The following IRX4 variants were observed in gnomAD, a reference collection of about 807,000 sequenced individuals.
IRX4 encodes the protein iroquois-class homeodomain protein IRX-4.
Under a neutral mutation model 32.0 loss-of-function variants are expected in IRX4, and 22 were observed. That is an observed-to-expected ratio of 0.69 (90% CI 0.49 to 0.98). IRX4 has a LOEUF of 0.98. Ranked by LOEUF, IRX4 falls within the 50% of genes least tolerant of loss-of-function variation. IRX4 has a pLI of 0.00. For missense variants in IRX4, 840 were observed against 744.2 expected (o/e 1.13, Z -1.50); for synonymous variants, 379 against 351.7 (o/e 1.08, Z -0.87).
In IRX4 at chr5:1,877,782, G is replaced by A; in HGVS notation, c.*187C>T. ...GCCCGGTCAGGCTCAGGCCCAGGCG[G>A]TGGAGGCCCCGGCGTGGCAGCGCCG... On this transcript the variant is annotated 3_prime_UTR_variant, in exon 5 of 5. Transcript: ENST00000231357. The A allele has an allele frequency of 1.7e-6, 1 of 595,948 alleles. No homozygotes were observed. Among genetic ancestry groups the A allele is most frequent in the Non-Finnish European group, 2.8e-6 (1 of 356,448 alleles). The allele number at this position is 595,948 out of a possible 1,614,324, so 36.9% of individuals were successfully genotyped here.
chr5:1,881,822 C>T lies in IRX4; in HGVS notation c.283G>A (p.Ala95Thr), dbSNP rs1375777719. Residue 95 changes from alanine (A) to threonine (T), a missense_variant, in exon 2 of 5, where the codon GCC (alanine) becomes ACC (threonine). By Grantham distance (58) the Ala-to-Thr change is moderately conservative. This residue lies in a region of IRX4 where 241 missense variants were observed against 220.8 expected (regional missense o/e 1.09). Transcript: ENST00000231357. ...GCCCCACTTACCAGCGAGTAGAAGG[C>T]GGACGCCTCCGAGCCGTAGGTCACG... is the stretch of plus-strand genomic sequence containing the variant. ...NYVTYGSEAS[A>T]FYSLNSFDSK... The T allele has an allele frequency of 1.3e-6, 2 of 1,563,966 alleles. No individual in the cohort carries two copies. The highest frequency in any genetic ancestry group is 1.7e-6 in the Non-Finnish European group (2 of 1,155,324).
chr5:1,880,767 T>C lies in IRX4; in HGVS notation c.365A>G (p.Tyr122Cys), dbSNP rs199581237. Reference protein sequence around the residue: ...HGGLAPAAAAYYPYEPALGQY... With the variant: ...HGGLAPAAAACYPYEPALGQY... ...GCCCAGAGCTGGCTCGTAAGGGTAG[T>C]AGGCGGCAGCGGCTGGTGCCAGGCC... The change falls in exon 3 of 5, where the codon TAC becomes TGC. Residue 122 changes from tyrosine (Y) to cysteine (C), a missense_variant. Coordinates refer to ENST00000231357, the MANE Select transcript of IRX4 (RefSeq NM_016358.3). 6.8e-6 allele frequency: 11 copies of C among 1,613,712 alleles called. No individual in the cohort carries two copies. Among genetic ancestry groups the C allele is most frequent in the East Asian group, 2.2e-5 (1 of 44,838 alleles).
upstream of IRX4, among the ~76,000 whole-genome samples, chr5:1,885,823 TC>T (rs1735611416): frequency 6.6e-6 from 1 of 152,250 alleles, no homozygotes; most frequent in Non-Finnish European, 1.5e-5. Context: ...GCACCCAGTG[TC>T]CCTTTCACCA....
rs774523402 is a variant in IRX4 at position 1,879,619 on chromosome 5, C to A, written c.621G>T (p.Thr207=). The A allele has an allele frequency of 6.2e-7, 1 of 1,614,070 alleles. No individual in the cohort carries two copies. The highest frequency in any genetic ancestry group is 8.5e-7 in the Non-Finnish European group (1 of 1,180,042). The change falls in exon 4 of 5, where the codon ACG becomes ACT. Residue 207 remains threonine, a synonymous_variant. Transcript: ENST00000231357. ...CTGCGCACTTGTTCCGCGGCGGCCACGTCATCTTGTTCTCCTTCTTGAGGC... is the reference window on the plus strand; with the variant it reads ...CTGCGCACTTGTTCCGCGGCGGCCAAGTCATCTTGTTCTCCTTCTTGAGGC... ...RRRLKKENKM[T]WPPRNKCADE...
Position 1,878,532 on chromosome 5 carries a change from C to G in IRX4, c.997G>C (p.Gly333Arg), listed in dbSNP as rs989702737. 3 of 1,447,180 alleles carry G rather than the reference C, an allele frequency of 2.1e-6. No individual in the cohort carries two copies. The highest frequency in any genetic ancestry group is 2.7e-6 in the Non-Finnish European group (3 of 1,107,128). The allele number at this position is 1,447,180 out of a possible 1,614,324, so 89.6% of individuals were successfully genotyped here. Reference sequence around the variant, plus strand: ...TCTGCGCCCGGCAGTGGCTCCGGCCCGGCCGCCGCGCTGCGGAGACAGCTC... The same window carrying G: ...TCTGCGCCCGGCAGTGGCTCCGGCCGGGCCGCCGCGCTGCGGAGACAGCTC... The part of the protein sequence containing the change: ...ARSCLRSAAA[G>R]PEPLPGAEGG... Residue 333 changes from glycine to arginine, a missense_variant, in exon 5 of 5, where the codon GGG becomes CGG. By Grantham distance (125) the Gly-to-Arg change is moderately radical. Coordinates refer to ENST00000231357, the MANE Select transcript of IRX4 (RefSeq NM_016358.3).
At position 1,878,448 on chromosome 5, in the gene IRX4, C is replaced by T. The variant is rs1735291243; in HGVS notation, c.1081G>A (p.Gly361Ser). Residue 361 changes from glycine to serine, a missense_variant, in exon 5 of 5, where the codon GGC (glycine) becomes AGC (serine). Physicochemically the swap from Gly to Ser is moderately conservative, Grantham distance 56. Transcript: ENST00000231357. The part of the protein sequence containing the change: ...LGFVPAGASA[G>S]LEAKPRIWSL... Reference sequence around the variant, plus strand: ...CAGATGCGCGGCTTAGCCTCCAGGCCTGCCGACGCCCCCGCCGGCACAAAC... The same window carrying T: ...CAGATGCGCGGCTTAGCCTCCAGGCTTGCCGACGCCCCCGCCGGCACAAAC... 5 of 1,464,152 alleles carry T rather than the reference C, an allele frequency of 3.4e-6. No individual in the cohort carries two copies. The East Asian group carries it at 1.0e-4, about 30-fold the overall frequency. The allele number at this position is 1,464,152 out of a possible 1,614,324, so 90.7% of individuals were successfully genotyped here.
At position 1,877,739 on chromosome 5, in the gene IRX4, G is replaced by A. The variant is rs1050715050; in HGVS notation, c.*230C>T. ...CTGCTCCGAGAGCCTCTCCTTCCGC[G>A]TCCCAAATTTGGGAATGGCCCGGTC... On this transcript the variant is annotated 3_prime_UTR_variant, in exon 5 of 5. Coordinates refer to ENST00000231357, the MANE Select transcript of IRX4 (RefSeq NM_016358.3). The A allele has an allele frequency of 9.5e-6, 5 of 525,266 alleles. No individual in the cohort carries two copies. Among genetic ancestry groups the A allele is most frequent in the East Asian group, 3.4e-5 (1 of 29,742 alleles). 32.5% of individuals were successfully genotyped at this position (525,266 alleles called of 1,614,324 possible). A position where few individuals can be genotyped will look rare whatever the true frequency, so the allele number is the denominator to read the frequency against.
In IRX4 at chr5:1,880,140, G is replaced by A; in HGVS notation, c.408-308C>T. 2.0e-6 allele frequency: 3 copies of A among 1,535,542 alleles called. No individual in the cohort carries two copies. In the South Asian group the frequency reaches 3.6e-5, roughly 18 times the overall value. On this transcript the variant is annotated intron_variant, in intron 3 of 4. Coordinates refer to ENST00000231357, the MANE Select transcript of IRX4 (RefSeq NM_016358.3). ...TATGGGGATGACCGCCTAGCCGTTT[G>A]ATCCTCAAACCATAAAAAGGTATAG...
In IRX4 at chr5:1,878,579, T is replaced by A; in HGVS notation, c.950A>T (p.Asp317Val). The stretch of plus-strand genomic sequence containing the variant: ...GCTCCGGGCCCTCTCCAGGTCCTCG[T>A]CCAGAGCAGCTCCGCCACCCGCGGC... ...SLAAGGGAAL[D>V]EDLERARSCL... is the part of the protein sequence containing the mutation. Residue 317 changes from aspartate (D) to valine (V), a missense_variant, in exon 5 of 5, where the codon GAC (aspartate) becomes GTC (valine). Asp to Val is a radical substitution (Grantham distance 152). Around this residue, in one of 3 missense-constraint regions of IRX4, gnomAD observed 585 missense variants for 488.0 expected, o/e 1.20. Transcript: ENST00000231357. 6.5e-7 allele frequency: 1 copy of A among 1,549,456 alleles called. No individual in the cohort carries two copies. The highest frequency in any genetic ancestry group is 8.7e-7 in the Non-Finnish European group (1 of 1,147,892).
intron 2 of IRX4, among the ~76,000 whole-genome samples, chr5:1,881,601 T>G (rs1000422628): frequency 7.6e-6 from 1 of 132,304 alleles, no homozygotes. Context: ...AGAAACGCAG[T>G]GGCCACCTGC....
At position 1,879,667 on chromosome 5, in the gene IRX4, G is replaced by C; in HGVS notation, c.573C>G (p.Thr191=). ...GGCGCCGGCGCGCGTTGGCGAACCA[G>C]GTGGAGACCTGTGTGAGGGTCATCT... The part of the protein sequence containing the change: ...ITKMTLTQVS[T]WFANARRRLK... Residue 191 remains threonine (T), a synonymous_variant, in exon 4 of 5, where the codon ACC becomes ACG. Coordinates refer to ENST00000231357, the MANE Select transcript of IRX4 (RefSeq NM_016358.3). 1.2e-6 allele frequency: 2 copies of C among 1,614,220 alleles called. No individual in the cohort carries two copies. The highest frequency in any genetic ancestry group is 1.7e-6 in the Non-Finnish European group (2 of 1,180,042).
Position 1,878,448 on chromosome 5 carries a change from C to G in IRX4, c.1081G>C (p.Gly361Arg). Residue 361 changes from glycine (G) to arginine (R), a missense_variant, in exon 5 of 5, where the codon GGC (glycine) becomes CGC (arginine). Gly to Arg is a moderately radical substitution (Grantham distance 125). This residue lies in a region of IRX4 where 585 missense variants were observed against 488.0 expected (regional missense o/e 1.20). Coordinates refer to ENST00000231357, the MANE Select transcript of IRX4 (RefSeq NM_016358.3). ...LGFVPAGASA[G>R]LEAKPRIWSL... ...CAGATGCGCGGCTTAGCCTCCAGGC[C>G]TGCCGACGCCCCCGCCGGCACAAAC... 1 of 1,464,152 alleles carries G rather than the reference C, an allele frequency of 6.8e-7. No individual in the cohort carries two copies. Among genetic ancestry groups the G allele is most frequent in the Non-Finnish European group, 9.0e-7 (1 of 1,113,440 alleles). 90.7% of individuals were successfully genotyped at this position (1,464,152 alleles called of 1,614,324 possible). A position where few individuals can be genotyped will look rare whatever the true frequency, so the allele number is the denominator to read the frequency against.
At position 1,878,787 on chromosome 5, in the gene IRX4, C is replaced by T. The variant is rs753902596; in HGVS notation, c.742G>A (p.Val248Met). The T allele has an allele frequency of 2.5e-6, 4 of 1,613,148 alleles. No homozygotes were observed. The highest frequency in any genetic ancestry group is 1.7e-6 in the Non-Finnish European group (2 of 1,179,830). Residue 248 changes from valine to methionine, a missense_variant, in exon 5 of 5, where the codon GTG becomes ATG. Val to Met is a conservative substitution (Grantham distance 21, BLOSUM62 1). Coordinates refer to ENST00000231357, the MANE Select transcript of IRX4 (RefSeq NM_016358.3). ...PLKSSKNAEPVGKEEKELELS... is the reference protein window; with the variant it reads ...PLKSSKNAEPMGKEEKELELS... ...TCCAGCTCCTTCTCCTCTTTGCCCA[C>T]GGGCTCTGCGGGAGAGAATGCGTGG...
At position 1,882,655 on chromosome 5, in the gene IRX4, G is replaced by A. The variant is rs1417469883; in HGVS notation, c.-8C>T. 1.1e-5 allele frequency: 15 copies of A among 1,386,350 alleles called. No homozygotes were observed. Among genetic ancestry groups the A allele is most frequent in the Non-Finnish European group, 1.2e-5 (13 of 1,070,032 alleles). 85.9% of individuals were successfully genotyped at this position (1,386,350 alleles called of 1,614,324 possible). On this transcript the variant is annotated 5_prime_UTR_variant, in exon 1 of 5. Coordinates refer to ENST00000231357, the MANE Select transcript of IRX4 (RefSeq NM_016358.3). ...AAACTGCGGGTAGGACATGGCGGGC[G>A]CGGCCCGGGGCGGACGGGCGGGGCC...
upstream of IRX4, among the ~76,000 whole-genome samples, chr5:1,886,542 C>G (rs932440341): frequency 6.6e-6 from 1 of 152,294 alleles, no homozygotes; most frequent in East Asian, 1.9e-4. Context: ...GCCACAGGGA[C>G]AAGCGGTGAA....
chr5:1,882,670 C>T lies in IRX4; in HGVS notation c.-23G>A. On this transcript the variant is annotated 5_prime_UTR_variant, in exon 1 of 5. Transcript: ENST00000231357. Reference sequence around the variant, plus strand: ...CATGGCGGGCGCGGCCCGGGGCGGACGGGCGGGGCCTGCAGGGTTCTGCGC... The same window carrying T: ...CATGGCGGGCGCGGCCCGGGGCGGATGGGCGGGGCCTGCAGGGTTCTGCGC... 2 of 1,370,598 alleles carry T rather than the reference C, an allele frequency of 1.5e-6. No individual in the cohort carries two copies. Among genetic ancestry groups the T allele is most frequent in the Non-Finnish European group, 1.9e-6 (2 of 1,058,098 alleles). The allele number at this position is 1,370,598 out of a possible 1,614,324, so 84.9% of individuals were successfully genotyped here.
At chr5:1,882,539 C>G (rs1735488988) in intron 1 of IRX4, 64 bp downstream of exon 1, 8 of 1,370,394 alleles carry the variant, frequency 5.8e-6, no homozygotes, top group Non-Finnish European at 6.0e-6. Flanking sequence ...CCCCACCCCC[C>G]GTCCCCGCCC....
At chr5:1,878,985 G>A (rs558282262) in intron 4 of IRX4, among the ~76,000 whole-genome samples, 193 bp from the exon 5 acceptor site, 27 of 147,148 alleles carry the variant, frequency 1.8e-4, no homozygotes, top group African/African-American at 6.3e-4. Flanking sequence ...ATGGGGGAGG[G>A]GGGTGTCTAA....
At chr5:1,881,563 A>G (rs1735439438) in intron 2 of IRX4, among the ~76,000 whole-genome samples, 1 of 146,780 alleles carries the variant, frequency 6.8e-6, no homozygotes, top group Admixed American at 6.8e-5. Flanking sequence ...CTGCCAGCTG[A>G]TGAGGATTTA....
Sources: allele counts gnomAD v4.1 joint callset (sites outside exome capture counted in the v4.1 genomes callset), GRCh38; gene constraint gnomAD v4.1.1; regional missense constraint gnomAD v4.1.1; transcripts MANE v1.5; gene names NCBI Gene and HGNC (gene_info 2026-07-23, HGNC 2026-07-21).